Variants in FYB1 observed in about 807,000 individuals in gnomAD.
The protein encoded by FYB1 is FYN-binding protein 1.
Under a neutral mutation model 94.1 loss-of-function variants are expected in FYB1, and 41 were observed. That is an observed-to-expected ratio of 0.44 (90% confidence interval 0.34 to 0.57). The LOEUF (loss-of-function observed/expected upper bound fraction) is 0.57, where lower values mean the gene tolerates loss of function less well. Among genes scored for constraint, FYB1 ranks in the 20% least tolerant of loss-of-function variants. The pLI is 0.02. For synonymous variants in FYB1, 367 were observed against 353.2 expected, an observed-to-expected ratio of 1.04 and a Z score of -0.44; for missense variants, 1,050 against 976.8, an observed-to-expected ratio of 1.07 and a Z score of -1.00.
upstream of FYB1, among the ~76,000 whole-genome samples, chr5:39,223,848 T>C (rs191064749): frequency 9.1e-4 from 139 of 152,236 alleles, no homozygotes; most frequent in African/African-American, 3.2e-3. Flanking sequence ...GTATCAAATA[T>C]CCATTTCAGA....
intron 1 of FYB1, among the ~76,000 whole-genome samples, chr5:39,225,030 G>A (rs1262645544): frequency 1.3e-5 from 2 of 152,146 alleles, no homozygotes; most frequent in Non-Finnish European, 2.9e-5. Context: ...TATAAAAGAT[G>A]TCAGCAATCT....
At chr5:39,180,271 G>A (rs1746101786) in intron 2 of FYB1, among the ~76,000 whole-genome samples, 1 of 152,206 alleles carries the variant, frequency 6.6e-6, no homozygotes, top group South Asian at 2.1e-4. Context: ...CTAGAATGCT[G>A]TTGGAAGAAG....
chr5:39,190,598 C>T (rs546826869), intron 2 of FYB1, among the ~76,000 whole-genome samples: 3 of 152,180 alleles, frequency 2.0e-5, no homozygotes, highest in Non-Finnish European at 4.4e-5. Context: ...CAGCCCCTTG[C>T]TACAAAGAAA....
chr5:39,113,657 AT>A (rs1229296823), intron 16 of FYB1, among the ~76,000 whole-genome samples: 1 of 151,588 alleles, frequency 6.6e-6, no homozygotes, highest in Non-Finnish European at 1.5e-5. Context: ...TCATTCTAAT[AT>A]TTTCAAATTT....
chr5:39,167,271 GTC>G (rs144826320), intron 2 of FYB1, among the ~76,000 whole-genome samples: 7 of 150,782 alleles, frequency 4.6e-5, no homozygotes, highest in Admixed American at 1.3e-4. Flanking sequence ...CTCTCTCTCT[GTC>G]TCTCTCTCTC....
chr5:39,113,846 A>C (rs957349660), intron 16 of FYB1, among the ~76,000 whole-genome samples: 1 of 152,152 alleles, frequency 6.6e-6, no homozygotes, highest in African/African-American at 2.4e-5. Flanking sequence ...AAATGCTCAT[A>C]GTATAATAAA....
At chr5:39,108,561 C>A (rs974142711) in intron 17 of FYB1, among the ~76,000 whole-genome samples, 11 of 152,032 alleles carry the variant, frequency 7.2e-5, no homozygotes, top group African/African-American at 2.7e-4. Context: ...CATCATGGTA[C>A]AATACTCCCA....
chr5:39,265,969 AT>A (rs1752420875), intron 1 of FYB1, among the ~76,000 whole-genome samples: 3 of 148,630 alleles, frequency 2.0e-5, no homozygotes, highest in Admixed American at 2.0e-4. Flanking sequence ...CCCAAACACA[AT>A]TTTTACTGTT....
intron 1 of FYB1, among the ~76,000 whole-genome samples, chr5:39,245,522 C>T (rs778270188): frequency 2.0e-5 from 3 of 151,722 alleles, no homozygotes; most frequent in African/African-American, 4.8e-5. Flanking sequence ...GGCAGAGAAG[C>T]GGGTTCTATT....
At chr5:39,243,639 C>T (rs1260518240) in intron 1 of FYB1, among the ~76,000 whole-genome samples, 2 of 152,064 alleles carry the variant, frequency 1.3e-5, no homozygotes, top group East Asian at 3.9e-4. Context: ...TTTTTGGTTC[C>T]ATATGAACTT....
chr5:39,116,811 A>G (rs536807017), intron 16 of FYB1, among the ~76,000 whole-genome samples: 31 of 147,704 alleles, frequency 2.1e-4, no homozygotes, highest in African/African-American at 7.5e-4. Flanking sequence ...ATGTCATGCC[A>G]TTTTTATAAA....
At chr5:39,244,785 T>C (rs558922713) in intron 1 of FYB1, among the ~76,000 whole-genome samples, 8 of 152,324 alleles carry the variant, frequency 5.3e-5, no homozygotes, top group African/African-American at 9.6e-5. Flanking sequence ...TTTTTTTGGT[T>C]GGTAGGCTAT....
chr5:39,162,490 T>C (rs898928397), intron 2 of FYB1, among the ~76,000 whole-genome samples: 1 of 151,982 alleles, frequency 6.6e-6, no homozygotes, highest in African/African-American at 2.4e-5. Flanking sequence ...ATCCAGACCA[T>C]CCTGGCCAAC....
At chr5:39,261,246 T>A (rs977679921) in intron 1 of FYB1, among the ~76,000 whole-genome samples, 2 of 150,060 alleles carry the variant, frequency 1.3e-5, no homozygotes, top group Non-Finnish European at 2.9e-5. Flanking sequence ...ATGGCACACA[T>A]GTACCTATGT....
chr5:39,207,938 G>A (rs1389793506), intron 1 of FYB1, among the ~76,000 whole-genome samples: 5 of 152,196 alleles, frequency 3.3e-5, no homozygotes, highest in Non-Finnish European at 7.3e-5. Context: ...AGTCCAAAAT[G>A]TGGATAGTGC....
At chr5:39,174,640 A>T (rs996851006) in intron 2 of FYB1, among the ~76,000 whole-genome samples, 2 of 152,220 alleles carry the variant, frequency 1.3e-5, no homozygotes, top group African/African-American at 4.8e-5. Context: ...AAAGCTTAAA[A>T]ACATGAGCTC....
chr5:39,256,497 C>T (rs1031071988), intron 1 of FYB1, among the ~76,000 whole-genome samples: 9 of 152,186 alleles, frequency 5.9e-5, no homozygotes, highest in Middle Eastern at 3.2e-3. Context: ...TGGGAATGCC[C>T]TACCTCTCTC....
intron 1 of FYB1, among the ~76,000 whole-genome samples, chr5:39,203,588 A>C (rs561231329): frequency 2.0e-4 from 30 of 152,302 alleles, no homozygotes; most frequent in African/African-American, 7.0e-4. Flanking sequence ...AAGTAATAAA[A>C]TGACTTCTTC....
chr5:39,118,252 T>G (rs922976708), intron 16 of FYB1, among the ~76,000 whole-genome samples: 5 of 152,108 alleles, frequency 3.3e-5, no homozygotes, highest in Non-Finnish European at 7.4e-5. Context: ...GATGGGAACT[T>G]TTTTGGATTT....
Sources: allele counts gnomAD v4.1 joint callset (sites outside exome capture counted in the v4.1 genomes callset), GRCh38; gene constraint gnomAD v4.1.1; transcripts MANE v1.5; gene names NCBI Gene and HGNC (gene_info 2026-07-23, HGNC 2026-07-21).